The following FGF22 variants were observed in gnomAD, a reference collection of about 807,000 sequenced individuals.
FGF22 encodes fibroblast growth factor 22, also known as FGF-22.
FGF22 carries 11 observed loss-of-function variants against 10.3 expected under a neutral mutation model. That is an observed-to-expected ratio of 1.07 (90% CI 0.67 to 1.77). The LOEUF is 1.77. FGF22 is among the 40% of genes most tolerant of loss of function. The pLI is 0.00. For missense variants in FGF22, 317 were observed against 273.2 expected, an observed-to-expected ratio of 1.16 and a Z score of -1.13; for synonymous variants, 136 against 122.1, an observed-to-expected ratio of 1.11 and a Z score of -0.75.
rs569962208 is a variant in FGF22 at position 641,306 on chromosome 19, G to C, written c.214+1167G>C. On this transcript the variant is annotated intron_variant, in intron 1 of 2. Coordinates refer to ENST00000215530, the Ensembl canonical transcript of FGF22. ...AACAGTGAACGGTTGGCCGGGTGCA[G>C]TGGCTCACGTCGGTAATCCCAGCAC... The C allele has an allele frequency of 5.5e-5, 25 of 454,040 alleles. 1 individual carries two copies. In the East Asian group the frequency reaches 1.5e-3, roughly 28 times the overall value. The allele number at this position is 454,040 out of a possible 1,614,324, so 28.1% of individuals were successfully genotyped here. A position where few individuals can be genotyped will look rare whatever the true frequency, so the allele number is the denominator to read the frequency against.
At chr19:641,176 G>A (rs1022745300) in intron 1 of FGF22, 14 of 456,414 alleles carry the variant, frequency 3.1e-5, no homozygotes, top group African/African-American at 1.6e-4. Flanking sequence ...GCTGTGCTCC[G>A]CATGGGGGAC....
At chr19:641,193 G>A (rs1568183620) in intron 1 of FGF22, 1 of 456,554 alleles carries the variant, frequency 2.2e-6, no homozygotes, top group Admixed American at 2.3e-5. Flanking sequence ...GGACCCAGTG[G>A]TGACAGAGAC....
intron 1 of FGF22, 30 bp from the exon 2 acceptor site, chr19:643,205 A>G (rs1490942143): frequency 8.3e-7 from 1 of 1,206,810 alleles, no homozygotes; most frequent in Admixed American, 2.7e-5. Context: ...GTGAGCCAGC[A>G]AGGCCCTCCC....
chr19:642,985 C>T (rs11572882), intron 1 of FGF22, among the ~76,000 whole-genome samples: 39 of 149,992 alleles, frequency 2.6e-4, no homozygotes, highest in African/African-American at 8.6e-4. Context: ...TCCCCCAGCT[C>T]GTGGGGGCCG....
rs777118636 is a variant in FGF22, at chr19:643,531, GGGGGCCCCGGCCAGGCGGCCGGACGCGGC to G, written c.443_471del (p.Gly148ValfsTer17). 5 of 1,604,512 alleles carry G rather than the reference GGGGGCCCCGGCCAGGCGGCCGGACGCGGC, an allele frequency of 3.1e-6. No individual in the cohort carries two copies. In the Admixed American group the frequency reaches 8.4e-5, roughly 27 times the overall value. Reference sequence around the variant, plus strand: ...ATGTTCCTGGCGCTGGACAGGAGGGGGGGGCCCCGGCCAGGCGGCCGGACGCGGCGGTACCACCTGTCCGCCCACTTCCT... The same window carrying G: ...ATGTTCCTGGCGCTGGACAGGAGGGGGGTACCACCTGTCCGCCCACTTCCT... On this transcript the variant is annotated frameshift_variant, in exon 3 of 3. Transcript: ENST00000215530. LOFTEE classifies it low-confidence loss of function (END_TRUNC).
rs769674993 is a variant in FGF22 at position 643,405 on chromosome 19, C to T, written c.319-5C>T. 71 of 1,609,658 alleles carry T rather than the reference C, an allele frequency of 4.4e-5. No homozygotes were observed. The highest frequency in any genetic ancestry group is 1.1e-4 in the African/African-American group (8 of 74,786). ...AGGGTGGGCCGGCCTCACCCCCGCC[C>T]GCAGCGACTCTACACCGTGGACTGC... On this transcript the variant is annotated splice_polypyrimidine_tract_variant and splice_region_variant and intron_variant, in intron 2 of 2. Coordinates refer to ENST00000215530, the Ensembl canonical transcript of FGF22.
intron 1 of FGF22, among the ~76,000 whole-genome samples, chr19:641,789 C>G (rs891078213): frequency 2.0e-5 from 3 of 151,814 alleles, no homozygotes; most frequent in Non-Finnish European, 4.4e-5. Context: ...GAGGCTGCCC[C>G]GAGGAGCTTT....
At chr19:642,849 G>A (rs1164330529) in intron 1 of FGF22, among the ~76,000 whole-genome samples, 1 of 65,458 alleles carries the variant, frequency 1.5e-5, no homozygotes, top group Admixed American at 1.4e-4. Flanking sequence ...CTGCCCCCCT[G>A]ACGTCCGTCC....
At chr19:643,420 C>T (rs144025975) in exon 3 of FGF22, 11 of 1,611,102 alleles carry the variant, frequency 6.8e-6, no homozygotes, top group Non-Finnish European at 9.3e-6. Flanking sequence ...CGACTCTACA[C>T]CGTGGACTGC....
chr19:643,757 CA>C (rs1985995524), exon 3 of FGF22: 1 of 668,392 alleles, frequency 1.5e-6, no homozygotes, highest in Admixed American at 3.0e-5. Flanking sequence ...AGGGGGGTCC[CA>C]GCCTGAGGGG....
exon 1 of FGF22, chr19:640,094 C>G: frequency 7.1e-7 from 1 of 1,405,492 alleles, no homozygotes; most frequent in Non-Finnish European, 9.3e-7. Flanking sequence ...GCGCGTGGAT[C>G]CCGGCGGCCG....
At chr19:641,820 C>T (rs11572871) in intron 1 of FGF22, among the ~76,000 whole-genome samples, 8,039 of 152,058 alleles carry the variant, frequency 0.053, 397 homozygotes, top group African/African-American at 0.14. Context: ...GGGAGCTGGC[C>T]GGGCACGCAG....
chr19:639,949 C>G (rs1043073991), exon 1 of FGF22: 1 of 1,246,262 alleles, frequency 8.0e-7, no homozygotes, highest in Non-Finnish European at 1.0e-6. Flanking sequence ...TGTGGCTGGG[C>G]CTGGCCTGGC....
chr19:640,474 T>C (rs1279277362), intron 1 of FGF22: 2 of 221,392 alleles, frequency 9.0e-6, no homozygotes, highest in Non-Finnish European at 1.8e-5. Context: ...GGCGGGGGGC[T>C]GACCTCCGGA....
chr19:643,655 G>A, exon 3 of FGF22: 1 of 1,379,120 alleles, frequency 7.3e-7, no homozygotes, highest in Non-Finnish European at 9.6e-7. Flanking sequence ...GTGGCGAGGG[G>A]CCCGGCCACG....
chr19:643,373 G>A (rs745709157), intron 2 of FGF22, 35 bp downstream of exon 2: 8 of 1,601,414 alleles, frequency 5.0e-6, no homozygotes, highest in Non-Finnish European at 6.8e-6. Flanking sequence ...GCGCGGGCAG[G>A]GTGGGGAGGG....
At chr19:641,215 T>C (rs7246140) in intron 1 of FGF22, 212,142 of 456,290 alleles carry the variant, frequency 0.46, 53,524 homozygotes, top group East Asian at 0.61. Flanking sequence ...CCCACCCTCC[T>C]GGGGCTCCCA....
At position 640,038 on chromosome 19, in the gene FGF22, G is replaced by A. The variant is rs1156911841; in HGVS notation, c.113G>A (p.Gly38Asp). ...CCGCGCAGCTACCCGCACCTGGAGG[G>A]CGACGTGCGCTGGCGGCGCCTCTTC... Residue 38 changes from glycine (G) to aspartate (D), a missense_variant, in exon 1 of 3, where the codon GGC becomes GAC. Physicochemically the swap from Gly to Asp is moderately conservative, Grantham distance 94. Transcript: ENST00000215530. The A allele has an allele frequency of 2.1e-6, 3 of 1,406,428 alleles. No individual in the cohort carries two copies. The East Asian group carries it at 9.2e-5, about 43-fold the overall frequency. The allele number at this position is 1,406,428 out of a possible 1,614,324, so 87.1% of individuals were successfully genotyped here. A position where few individuals can be genotyped will look rare whatever the true frequency, so the allele number is the denominator to read the frequency against.
At chr19:643,031 C>T (rs1985954985) in intron 1 of FGF22, among the ~76,000 whole-genome samples, 1 of 148,662 alleles carries the variant, frequency 6.7e-6, no homozygotes, top group Admixed American at 6.7e-5. Context: ...CTCCTTGCTC[C>T]TCCCTCACAT....
Sources: allele counts gnomAD v4.1 joint callset (sites outside exome capture counted in the v4.1 genomes callset), GRCh38; gene constraint gnomAD v4.1.1; transcripts MANE v1.5; gene names NCBI Gene and HGNC (gene_info 2026-07-23, HGNC 2026-07-21).